The following ATP8B4 variants were observed in gnomAD, a reference collection of about 807,000 sequenced individuals.
ATP8B4 encodes the protein ATPase phospholipid transporting 8B4 (putative).
In ATP8B4, 133 loss-of-function variants were observed where a neutral mutation model predicts 145.6. The observed-to-expected ratio is 0.91, with a 90% confidence interval of 0.79 to 1.05. The LOEUF is 1.05. ATP8B4 is among the 50% of genes least tolerant of loss of function. ATP8B4 has a pLI of 0.00. For synonymous variants in ATP8B4, 507 were observed against 492.9 expected (o/e 1.03, Z -0.38); for missense variants, 1,458 against 1,425.2 (o/e 1.02, Z -0.37).
intron 1 of ATP8B4, among the ~76,000 whole-genome samples, chr15:50,144,751 G>T (rs200120871): frequency 6.8e-6 from 1 of 148,116 alleles, no homozygotes; most frequent in African/African-American, 2.5e-5. Flanking sequence ...AATTACCCTT[G>T]TTTTTTTTTT....
intron 3 of ATP8B4, among the ~76,000 whole-genome samples, chr15:50,060,902 T>C (rs932979438): frequency 2.6e-5 from 4 of 152,290 alleles, no homozygotes; most frequent in South Asian, 4.1e-4. Flanking sequence ...AGAGTTTTGA[T>C]AGGCACAAAT....
intron 2 of ATP8B4, among the ~76,000 whole-genome samples, chr15:50,091,595 G>C (rs1301232890): frequency 6.6e-6 from 1 of 152,080 alleles, no homozygotes; most frequent in African/African-American, 2.4e-5. Flanking sequence ...GTAGTTTGAA[G>C]CATTTCCAAA....
chr15:50,180,854 G>T (rs777130775), intron 1 of ATP8B4, among the ~76,000 whole-genome samples: 1 of 151,746 alleles, frequency 6.6e-6, no homozygotes, highest in Non-Finnish European at 1.5e-5. Flanking sequence ...CGAAAAGGAG[G>T]CTAAAAAACG....
chr15:49,948,164 C>T (rs2042739459), intron 14 of ATP8B4, among the ~76,000 whole-genome samples: 1 of 151,812 alleles, frequency 6.6e-6, no homozygotes, highest in Non-Finnish European at 1.5e-5. Context: ...CAGGACTGGG[C>T]GCAATGGCTT....
At chr15:49,993,079 G>A (rs2047160590) in intron 9 of ATP8B4, among the ~76,000 whole-genome samples, 2 of 152,232 alleles carry the variant, frequency 1.3e-5, no homozygotes, top group Non-Finnish European at 1.5e-5. Context: ...AGAACGAGGA[G>A]CAAAGGATCA....
At chr15:49,963,576 C>T (rs542430214) in intron 13 of ATP8B4, among the ~76,000 whole-genome samples, 1 of 152,234 alleles carries the variant, frequency 6.6e-6, no homozygotes, top group African/African-American at 2.4e-5. Flanking sequence ...TACTATGCAG[C>T]CGTGAAAAGG....
chr15:50,009,947 T>C (rs902659251), intron 7 of ATP8B4, among the ~76,000 whole-genome samples: 1 of 152,160 alleles, frequency 6.6e-6, no homozygotes, highest in African/African-American at 2.4e-5. Context: ...CTCCTTAGTG[T>C]GGGTTGTTCT....
chr15:50,147,392 G>A (rs543904163), intron 1 of ATP8B4, among the ~76,000 whole-genome samples: 3 of 146,708 alleles, frequency 2.0e-5, no homozygotes, highest in African/African-American at 7.6e-5. Context: ...CTCCATCCTG[G>A]GTGACAGAGA....
intron 6 of ATP8B4, among the ~76,000 whole-genome samples, chr15:50,017,481 C>T (rs2049180252): frequency 6.6e-6 from 1 of 152,110 alleles, no homozygotes; most frequent in South Asian, 2.1e-4. Flanking sequence ...AAATAATTAT[C>T]CTCTTTTTGA....
Position 49,901,192 on chromosome 15 carries a change from C to G in ATP8B4, c.2189G>C (p.Gly730Ala). 6.2e-7 allele frequency: 1 copy of G among 1,613,314 alleles called. No individual in the cohort carries two copies. Residue 730 changes from glycine to alanine, a missense_variant, in exon 21 of 28, where the codon GGC becomes GCC. Coordinates refer to ENST00000284509, the MANE Select transcript of ATP8B4 (RefSeq NM_024837.4). ...LFGQNRNFSN[G>A]HVVCEKKQQL... ...CTGCTTTTTTTCACAAACTACATGG[C>G]CATTGGAAAAATTTCTGTTTTGTCC...
intron 16 of ATP8B4, among the ~76,000 whole-genome samples, chr15:49,927,364 G>A (rs1426889488): frequency 6.6e-6 from 1 of 152,026 alleles, no homozygotes. Context: ...CAGAAGCAAT[G>A]CCTGAGCCTT....
Position 49,996,689 on chromosome 15 carries a change from C to A in ATP8B4, c.577G>T (p.Ala193Ser). The part of the protein sequence containing the change: ...SELGADISRL[A>S]GFDGIVVCEV... ...TTAAAATACTTACCATCAAACCCTG[C>A]AAGTCTGCTGATATCTGCTCCAAGT... Residue 193 changes from alanine (A) to serine (S), a missense_variant, in exon 9 of 28, where the codon GCA becomes TCA. Physicochemically the swap from Ala to Ser is moderately conservative, Grantham distance 99 (BLOSUM62 1). Coordinates refer to ENST00000284509, the MANE Select transcript of ATP8B4 (RefSeq NM_024837.4). The A allele has an allele frequency of 6.2e-7, 1 of 1,605,886 alleles. No homozygotes were observed.
At chr15:49,947,284 A>G (rs1426748346) in intron 14 of ATP8B4, among the ~76,000 whole-genome samples, 1 of 152,014 alleles carries the variant, frequency 6.6e-6, no homozygotes, top group Admixed American at 6.6e-5. Context: ...ACAAAACATT[A>G]GCCGGGCGTG....
At chr15:50,121,306 G>A (rs1316436647), upstream of ATP8B4, among the ~76,000 whole-genome samples, 2 of 152,128 alleles carry the variant, frequency 1.3e-5, no homozygotes, top group African/African-American at 4.8e-5. Context: ...CACAGAGACA[G>A]AAAGAGTAGA....
intron 2 of ATP8B4, among the ~76,000 whole-genome samples, chr15:50,101,568 C>T (rs1266802293): frequency 2.0e-5 from 3 of 152,098 alleles, no homozygotes; most frequent in Admixed American, 6.6e-5. Flanking sequence ...ATGCACCTAA[C>T]ACTTGAGCTC....
intron 20 of ATP8B4, among the ~76,000 whole-genome samples, chr15:49,907,793 CTT>C (rs1412762129): frequency 2.0e-5 from 3 of 152,242 alleles, no homozygotes; most frequent in African/African-American, 7.2e-5. Flanking sequence ...AGCCCATACT[CTT>C]TCTCCTACAT....
chr15:50,131,292 A>C (rs1448094430), intron 1 of ATP8B4, among the ~76,000 whole-genome samples: 1 of 152,236 alleles, frequency 6.6e-6, no homozygotes, highest in African/African-American at 2.4e-5. Context: ...TGCAGTACTT[A>C]ATAGTTCTAA....
intron 1 of ATP8B4, among the ~76,000 whole-genome samples, chr15:50,107,345 C>G (rs1010450223): frequency 6.6e-6 from 1 of 152,112 alleles, no homozygotes; most frequent in Admixed American, 6.5e-5. Context: ...TATTTAAATG[C>G]CATAGGTGAT....
At chr15:50,032,496 C>T (rs1037217056) in intron 6 of ATP8B4, among the ~76,000 whole-genome samples, 3 of 152,094 alleles carry the variant, frequency 2.0e-5, no homozygotes, top group African/African-American at 4.8e-5. Context: ...AATAAACATA[C>T]ATGTGCATGT....
Sources: allele counts gnomAD v4.1 joint callset (sites outside exome capture counted in the v4.1 genomes callset), GRCh38; gene constraint gnomAD v4.1.1; transcripts MANE v1.5; gene names NCBI Gene and HGNC (gene_info 2026-07-23, HGNC 2026-07-21).